PHKA1: variants seen among roughly 807,000 people sequenced by gnomAD.
PHKA1 encodes phosphorylase b kinase regulatory subunit alpha, skeletal muscle isoform.
PHKA1 carries 60 observed loss-of-function variants against 110.2 expected under a neutral mutation model. The observed-to-expected ratio is 0.54, with a 90% CI of 0.44 to 0.68. The LOEUF is 0.68. Ranked by LOEUF, PHKA1 falls within the 30% of genes least tolerant of loss-of-function variation. The pLI is 0.00. For synonymous variants in PHKA1, 316 were observed against 333.6 expected (o/e 0.95, Z 0.58); for missense variants, 801 against 942.5 (o/e 0.85, Z 1.97).
intron 8 of PHKA1, among the ~76,000 whole-genome samples, chrX:72,665,454 A>G (rs2053606802): frequency 1.8e-5 from 2 of 111,749 alleles, no homozygotes; most frequent in Non-Finnish European, 3.8e-5. Flanking sequence ...GCTGAGTTCT[A>G]CCAAACTTTT....
At chrX:72,627,126 A>G in intron 16 of PHKA1, 77 bp from the exon 17 acceptor site, 1 of 768,812 alleles carries the variant, frequency 1.3e-6, no homozygotes. Context: ...AATTATTTCA[A>G]ATCAACATTC....
intron 8 of PHKA1, among the ~76,000 whole-genome samples, chrX:72,665,774 T>C (rs189112388): frequency 8.9e-6 from 1 of 112,164 alleles, no homozygotes; most frequent in African/African-American, 3.2e-5. Flanking sequence ...TCCCTTCCTC[T>C]GTTGAAGGTT....
chrX:72,658,168 T>G (rs1556302265), intron 8 of PHKA1, among the ~76,000 whole-genome samples: 1 of 111,945 alleles, frequency 8.9e-6, no homozygotes, highest in Admixed American at 9.4e-5. Flanking sequence ...ACTAAAAAAT[T>G]AACCTTGGTG....
intron 28 of PHKA1, among the ~76,000 whole-genome samples, chrX:72,593,746 C>T (rs1280471468): frequency 4.4e-5 from 5 of 112,695 alleles, no homozygotes; most frequent in South Asian, 3.6e-4. Flanking sequence ...AGCTAGTAGA[C>T]TTATATGTAG....
rs782732738 is a variant in PHKA1, at chrX:72,611,369, CAAGAAT to C, written c.2370-191_2370-186del. ...TCAGCTCTGAAAGCCAGTACCTACA[CAAGAAT>C]AAGTCTTAGTTTTAGCTGTGCTTTT... On this transcript the variant is annotated intron_variant, in intron 21 of 31. Coordinates refer to ENST00000373542, the MANE Select transcript of PHKA1 (RefSeq NM_002637.4). Among the ~76,000 whole-genome samples, 15 of 111,941 alleles carry C rather than the reference CAAGAAT, an allele frequency of 1.3e-4. No individual in the cohort carries two copies. The East Asian group carries it at 4.2e-3, about 31-fold the overall frequency.
intron 16 of PHKA1, among the ~76,000 whole-genome samples, chrX:72,633,121 A>G (rs1377834684): frequency 9.0e-6 from 1 of 111,566 alleles, no homozygotes; most frequent in Non-Finnish European, 1.9e-5. Context: ...TCTTCATATA[A>G]AATGTCTCTG....
Position 72,639,706 on chromosome X carries a change from T to C in PHKA1, c.1460-3320A>G, listed in dbSNP as rs782698683. Among the ~76,000 whole-genome samples the C allele has an allele frequency of 5.4e-5, 6 of 112,145 alleles. No homozygotes were observed. In the East Asian group the frequency reaches 8.4e-4, roughly 16 times the overall value. On this transcript the variant is annotated intron_variant, in intron 14 of 31. Coordinates refer to ENST00000373542, the MANE Select transcript of PHKA1 (RefSeq NM_002637.4). ...TCCACATATTCATCAGCACTGGATA[T>C]TGGCAATCTTACCTTTTTTTTGTAA...
At chrX:72,625,953 T>C (rs2053057941) in intron 17 of PHKA1, among the ~76,000 whole-genome samples, 1 of 111,517 alleles carries the variant, frequency 9.0e-6, no homozygotes, top group African/African-American at 3.3e-5. Flanking sequence ...TATATTATAG[T>C]TATATGTAAG....
intron 2 of PHKA1, chrX:72,712,488 G>T (rs1045912810): frequency 2.7e-6 from 1 of 365,425 alleles, no homozygotes; most frequent in Non-Finnish European, 4.8e-6. Context: ...GATTAACTTA[G>T]AGAGTCATGC....
chrX:72,681,339 G>A (rs868986140), intron 5 of PHKA1, among the ~76,000 whole-genome samples: 9 of 110,822 alleles, frequency 8.1e-5, no homozygotes, highest in Non-Finnish European at 1.2e-4. Context: ...CAGCTGCCCC[G>A]TCTGAGAAGT....
intron 4 of PHKA1, among the ~76,000 whole-genome samples, chrX:72,685,680 A>ATTGG (rs1556318609): frequency 8.9e-6 from 1 of 112,051 alleles, no homozygotes; most frequent in African/African-American, 3.2e-5. Context: ...TACTGTTTAC[A>ATTGG]TATGAAAGAC....
chrX:72,618,646 T>C (rs1428777019), intron 21 of PHKA1, 64 bp downstream of exon 21: 1 of 965,866 alleles, frequency 1.0e-6, no homozygotes. Flanking sequence ...CTGTGCTCTA[T>C]TTATTATGCT....
chrX:72,582,572 A>G lies in PHKA1; in HGVS notation c.3324T>C (p.Ser1108=), dbSNP rs1556204503. Residue 1108 remains serine (S), a synonymous_variant, in exon 31 of 32, where the codon TCT becomes TCC. Coordinates refer to ENST00000373542, the MANE Select transcript of PHKA1 (RefSeq NM_002637.4). ...GATTCAGGACAGACTCCACATGAAC[A>G]GAGAATTTAATCTCACCTGGAGTCA... ...REMTPGEIKF[S]VHVESVLNRV... is the part of the protein sequence containing the mutation. 2.5e-6 allele frequency: 3 copies of G among 1,196,248 alleles called. No homozygotes were observed. The Admixed American group carries it at 6.5e-5, about 26-fold the overall frequency.
Position 72,623,266 on chromosome X carries a change from T to C in PHKA1, c.1803A>G (p.Thr601=), listed in dbSNP as rs1556280191. 8.3e-7 allele frequency: 1 copy of C among 1,208,181 alleles called. No individual in the cohort carries two copies. The highest frequency in any genetic ancestry group is 1.1e-6 in the Non-Finnish European group (1 of 892,646). ...DGYFGGARVQ[T]GKLSEFLTTS... ...TTGTCAAAAACTCTGACAATTTACC[T>C]GTTTGAACCCTAAAAATTAGAGGAG... is the stretch of plus-strand genomic sequence containing the variant. Residue 601 remains threonine (T), a synonymous_variant, in exon 18 of 32, where the codon ACA becomes ACG. Coordinates refer to ENST00000373542, the MANE Select transcript of PHKA1 (RefSeq NM_002637.4).
intron 12 of PHKA1, 48 bp from the exon 13 acceptor site, chrX:72,650,516 A>T (rs2053417044): frequency 9.9e-7 from 1 of 1,007,610 alleles, no homozygotes; most frequent in African/African-American, 1.9e-5. Context: ...CAAAAGAGAA[A>T]CTAATACTTG....
At chrX:72,693,400 A>G (rs1435600524) in intron 4 of PHKA1, among the ~76,000 whole-genome samples, 1 of 112,053 alleles carries the variant, frequency 8.9e-6, no homozygotes, top group Non-Finnish European at 1.9e-5. Flanking sequence ...AATAAAGTCA[A>G]TTCCTTTGGG....
chrX:72,672,088 G>A (rs1252471317), intron 6 of PHKA1, among the ~76,000 whole-genome samples: 1 of 111,857 alleles, frequency 8.9e-6, no homozygotes, highest in East Asian at 2.8e-4. Context: ...GCATTCTGTG[G>A]GCCTGCAGAA....
chrX:72,682,211 G>C (rs1351356194), intron 5 of PHKA1, among the ~76,000 whole-genome samples: 2 of 91,542 alleles, frequency 2.2e-5, no homozygotes, highest in African/African-American at 7.9e-5. Context: ...AGGTGGGGGG[G>C]TCAGCCGCCC....
intron 10 of PHKA1, among the ~76,000 whole-genome samples, chrX:72,655,626 A>ATT (rs1238254122): frequency 1.9e-5 from 2 of 105,482 alleles, no homozygotes; most frequent in African/African-American, 3.4e-5. Flanking sequence ...GAAACCAAAA[A>ATT]TTTTTTTTTT....
Sources: allele counts gnomAD v4.1 joint callset (sites outside exome capture counted in the v4.1 genomes callset), GRCh38; gene constraint gnomAD v4.1.1; transcripts MANE v1.5; gene names NCBI Gene and HGNC (gene_info 2026-07-23, HGNC 2026-07-21).